ARID3A: variants seen among roughly 807,000 people sequenced by gnomAD.
ARID3A encodes AT-rich interaction domain 3A, also known as AT-rich interactive domain-containing protein 3A.
A neutral mutation model predicts 52.7 loss-of-function variants in ARID3A; 11 were observed. That is an observed-to-expected ratio of 0.21 (90% CI 0.13 to 0.35). The LOEUF is 0.35. Ranked by LOEUF, ARID3A falls within the 10% of genes least tolerant of loss-of-function variation. The pLI is 1.00. For missense variants in ARID3A, 721 were observed against 838.5 expected, an observed-to-expected ratio of 0.86 and a Z score of 1.73; for synonymous variants, 404 against 359.4, an observed-to-expected ratio of 1.12 and a Z score of -1.40.
intron 4 of ARID3A, among the ~76,000 whole-genome samples, chr19:962,928 C>T (rs908133531): frequency 6.6e-6 from 1 of 152,202 alleles, no homozygotes; most frequent in African/African-American, 2.4e-5. Flanking sequence ...AAACCCGGCG[C>T]GGCTCCTCTC....
At chr19:943,063 G>A (rs112797143) in intron 3 of ARID3A, among the ~76,000 whole-genome samples, 1,673 of 152,068 alleles carry the variant, frequency 0.011, 32 homozygotes, top group African/African-American at 0.038. Flanking sequence ...GAGCCCAGGA[G>A]CTTGAGACCA....
intron 3 of ARID3A, among the ~76,000 whole-genome samples, chr19:958,894 A>G (rs2037982520): frequency 6.6e-6 from 1 of 152,202 alleles, no homozygotes. Flanking sequence ...CGTCTCAAAA[A>G]AAAAAAAATT....
intron 8 of ARID3A, among the ~76,000 whole-genome samples, chr19:969,744 G>A (rs917842428): frequency 6.7e-6 from 1 of 149,940 alleles, no homozygotes; most frequent in African/African-American, 2.4e-5. Flanking sequence ...CTGGAGTGCA[G>A]TGGCACGATC....
intron 3 of ARID3A, among the ~76,000 whole-genome samples, chr19:950,504 A>G (rs2037783064): frequency 6.7e-6 from 1 of 148,990 alleles, no homozygotes; most frequent in African/African-American, 2.6e-5. Context: ...ACTCAGGGAA[A>G]GAGGGGTTCA....
At position 932,623 on chromosome 19, in the gene ARID3A, C is replaced by G; in HGVS notation, c.574C>G (p.Leu192Val). The G allele has an allele frequency of 6.5e-7, 1 of 1,533,334 alleles. No homozygotes were observed. Among genetic ancestry groups the G allele is most frequent in the Non-Finnish European group, 8.8e-7 (1 of 1,141,298 alleles). 95.0% of individuals were successfully genotyped at this position (1,533,334 alleles called of 1,614,324 possible). ...AFRGDGVPRVLGGQERPGPGP... is the reference protein window; with the variant it reads ...AFRGDGVPRVVGGQERPGPGP... The stretch of plus-strand genomic sequence containing the variant: ...CCGCGGCGATGGCGTTCCCAGGGTG[C>G]TGGGGGGCCAGGAGCGGCCGGGGCC... The change falls in exon 3 of 9, where the codon CTG becomes GTG. Residue 192 changes from leucine (L) to valine (V), a missense_variant. Coordinates refer to ENST00000263620, the MANE Select transcript of ARID3A (RefSeq NM_005224.3).
intron 8 of ARID3A, chr19:968,754 C>G (rs773529270): frequency 5.3e-5 from 20 of 380,246 alleles, no homozygotes; most frequent in Non-Finnish European, 8.6e-5. Context: ...GGTTCACATT[C>G]CTAGTTTTTT....
intron 6 of ARID3A, among the ~76,000 whole-genome samples, chr19:966,220 G>A (rs1421150093): frequency 6.6e-6 from 1 of 151,132 alleles, no homozygotes; most frequent in Non-Finnish European, 1.5e-5. Context: ...AGCACTTTGG[G>A]AGGCCGAGGC....
intron 3 of ARID3A, among the ~76,000 whole-genome samples, chr19:948,113 C>G (rs887892463): frequency 6.6e-6 from 1 of 152,038 alleles, no homozygotes; most frequent in South Asian, 2.1e-4. Flanking sequence ...CAGTCCAGGT[C>G]GGTCGGGGCC....
chr19:975,618 T>A lies in ARID3A; in HGVS notation c.*3553T>A, dbSNP rs1222376201. 1.9e-5 allele frequency: 4 copies of A among 211,036 alleles called. No homozygotes were observed. The highest frequency in any genetic ancestry group is 1.9e-4 in the South Asian group (1 of 5,324). The allele number at this position is 211,036 out of a possible 1,614,324, so 13.1% of individuals were successfully genotyped here. The stretch of plus-strand genomic sequence containing the variant: ...GGAAAAAAAAAAAAACTTAAAAAAA[T>A]TTTTAAAAAACATAAAACTACTCTC... On this transcript the variant is annotated 3_prime_UTR_variant, in exon 9 of 9. Transcript: ENST00000263620.
At chr19:967,239 CA>C (rs1303054379) in intron 7 of ARID3A, among the ~76,000 whole-genome samples, 1 of 151,964 alleles carries the variant, frequency 6.6e-6, no homozygotes, top group Non-Finnish European at 1.5e-5. Context: ...GCCTGGGCAA[CA>C]ATAGCAAAAC....
At chr19:927,239 A>C (rs1389186912) in intron 1 of ARID3A, among the ~76,000 whole-genome samples, 2 of 151,278 alleles carry the variant, frequency 1.3e-5, no homozygotes, top group Non-Finnish European at 3.0e-5. Flanking sequence ...TCCAACGACC[A>C]CCCAGCGCCC....
rs1179167918 is a variant in ARID3A at position 932,464 on chromosome 19, G to A, written c.415G>A (p.Asp139Asn). ...GGAGATGGAGGAAGACCTCGGGGAG[G>A]ATGAGGAGGAGGAGGAGGAGGATTA... ...EEEMEEDLGEDEEEEEEDYED... is the reference protein window; with the variant it reads ...EEEMEEDLGENEEEEEEDYED... The change falls in exon 3 of 9, where the codon GAT (aspartate) becomes AAT (asparagine). Residue 139 changes from aspartate to asparagine, a missense_variant. Asp to Asn is a conservative substitution (Grantham distance 23, BLOSUM62 1). Around this residue, in one of 5 missense-constraint regions of ARID3A, gnomAD observed 349 missense variants for 297.3 expected, o/e 1.17. Transcript: ENST00000263620. 1 of 1,586,154 alleles carries A rather than the reference G, an allele frequency of 6.3e-7. No homozygotes were observed. Among genetic ancestry groups the A allele is most frequent in the Non-Finnish European group, 8.5e-7 (1 of 1,172,372 alleles).
intron 2 of ARID3A, among the ~76,000 whole-genome samples, chr19:930,764 C>T (rs986996781): frequency 6.6e-6 from 1 of 151,382 alleles, no homozygotes; most frequent in Non-Finnish European, 1.5e-5. Flanking sequence ...CTGCCTTGGC[C>T]TCCCAAAGTG....
At position 959,338 on chromosome 19, in the gene ARID3A, G is replaced by A. The variant is rs1339306974; in HGVS notation, c.694-754G>A. ...GCCCAGGCTGGAGTGCAGTGGTGCG[G>A]TCTCGGCTCACTTCAGCCTCCACTG... On this transcript the variant is annotated intron_variant, in intron 3 of 8. Coordinates refer to ENST00000263620, the MANE Select transcript of ARID3A (RefSeq NM_005224.3). The surrounding 1 kb of genome is among the most constrained non-coding windows in gnomAD (Gnocchi z 5.0). Among the ~76,000 whole-genome samples, 2 of 152,106 alleles carry A rather than the reference G, an allele frequency of 1.3e-5. No individual in the cohort carries two copies. The highest frequency in any genetic ancestry group is 2.1e-4 in the South Asian group (1 of 4,824).
intron 8 of ARID3A, among the ~76,000 whole-genome samples, chr19:971,090 G>A (rs935837401): frequency 3.3e-5 from 5 of 152,192 alleles, no homozygotes; most frequent in Admixed American, 6.5e-5. Context: ...CTGTGTGCAC[G>A]CTGATGTGCA....
At chr19:937,894 G>C (rs1228278014) in intron 3 of ARID3A, among the ~76,000 whole-genome samples, 1 of 151,812 alleles carries the variant, frequency 6.6e-6, no homozygotes, top group East Asian at 1.9e-4. Context: ...TTTTTTAGTA[G>C]AGATGGGGTT....
At position 929,750 on chromosome 19, in the gene ARID3A, C is replaced by A. The variant is rs767784999; in HGVS notation, c.222C>A (p.His74Gln). The A allele has an allele frequency of 1.3e-6, 2 of 1,554,314 alleles. No individual in the cohort carries two copies. Among genetic ancestry groups the A allele is most frequent in the Admixed American group, 3.8e-5 (2 of 52,526 alleles). Residue 74 changes from histidine (H) to glutamine (Q), a missense_variant, in exon 2 of 9, where the codon CAC becomes CAA. Coordinates refer to ENST00000263620, the MANE Select transcript of ARID3A (RefSeq NM_005224.3). The surrounding 1 kb of genome is among the most constrained non-coding windows in gnomAD (Gnocchi z 6.2). ...AMRAAAAGLG[H>Q]PASPGGSEDG... Reference sequence around the variant, plus strand: ...GGGCTGCAGCTGCGGGCCTGGGACACCCAGCCAGCCCCGGCGGCTCTGAGG... The same window carrying A: ...GGGCTGCAGCTGCGGGCCTGGGACAACCAGCCAGCCCCGGCGGCTCTGAGG...
chr19:929,880 G>T lies in ARID3A; in HGVS notation c.352G>T (p.Ala118Ser). The change falls in exon 2 of 9, where the codon GCC becomes TCC. Residue 118 changes from alanine (A) to serine (S), a missense_variant. Physicochemically the swap from Ala to Ser is moderately conservative, Grantham distance 99. This residue lies in a region of ARID3A where 349 missense variants were observed against 297.3 expected (regional missense o/e 1.17). Transcript: ENST00000263620. The surrounding 1 kb of genome is among the most constrained non-coding windows in gnomAD (Gnocchi z 6.2). ...AGGAGAGGAGCACTTTGAGGACATG[G>T]CCTCCGACGAGGACATGTGAGTTGG... ...GPGEEHFEDM[A>S]SDEDMKPKWE... 6.5e-7 allele frequency: 1 copy of T among 1,542,240 alleles called. No individual in the cohort carries two copies. The highest frequency in any genetic ancestry group is 8.7e-7 in the Non-Finnish European group (1 of 1,146,852).
chr19:939,043 G>C (rs898277080), intron 3 of ARID3A, among the ~76,000 whole-genome samples: 1 of 149,112 alleles, frequency 6.7e-6, no homozygotes, highest in African/African-American at 2.5e-5. Flanking sequence ...TCATTCTCCT[G>C]CCTCAGCCTC....
Sources: gnomAD v4.1 joint callset for allele counts (sites outside exome capture counted in the v4.1 genomes callset) on GRCh38, gnomAD v4.1.1 for gene constraint, gnomAD v4.1.1 regional missense constraint, Gnocchi (gnomAD v3.1) non-coding constraint, MANE v1.5 for transcripts, NCBI Gene and HGNC (gene_info 2026-07-23, HGNC 2026-07-21) for gene names.